TMEM25: variants seen among roughly 807,000 people sequenced by gnomAD.
TMEM25 encodes transmembrane protein 25, also known as 0610039J01Rik.
Under a neutral mutation model 37.0 loss-of-function variants are expected in TMEM25, and 36 were observed. The ratio of observed to expected loss-of-function variants is 0.97; its 90% CI spans 0.75 to 1.28. The LOEUF is 1.28. Ranked by LOEUF, TMEM25 falls within the 50% of genes most tolerant of loss-of-function variation. TMEM25 has a pLI of 0.00. For synonymous variants in TMEM25, 197 were observed against 203.7 expected (o/e 0.97, Z 0.28); for missense variants, 444 against 477.9 (o/e 0.93, Z 0.66).
At chr11:118,546,267 G>T in exon 9 of TMEM25, 1 of 680,774 alleles carries the variant, frequency 1.5e-6, no homozygotes. Context: ...GGAGGTTGAG[G>T]TGGGCAGATC....
In TMEM25 at chr11:118,532,112, G is replaced by A. The variant is rs782165117; in HGVS notation, c.71-38G>A. On this transcript the variant is annotated intron_variant, in intron 2 of 8. Transcript: ENST00000313236. ...CTGGTCACAGCACAGTACCAACCGT[G>A]CCTGAGCCCTTCCCAGAGGCCTCCT... is the stretch of plus-strand genomic sequence containing the variant. 2.0e-6 allele frequency: 3 copies of A among 1,503,256 alleles called. No homozygotes were observed. The African/African-American group carries it at 4.2e-5, about 21-fold the overall frequency. 93.1% of individuals were successfully genotyped at this position (1,503,256 alleles called of 1,614,324 possible).
At position 118,535,397 on chromosome 11, in the gene TMEM25, G is replaced by A; in HGVS notation, c.*817G>A. 7.0e-7 allele frequency: 1 copy of A among 1,431,324 alleles called. No individual in the cohort carries two copies. Among genetic ancestry groups the A allele is most frequent in the Non-Finnish European group, 9.1e-7 (1 of 1,095,474 alleles). The allele number at this position is 1,431,324 out of a possible 1,614,324, so 88.7% of individuals were successfully genotyped here. On this transcript the variant is annotated 3_prime_UTR_variant, in exon 9 of 9. Transcript: ENST00000313236. ...TAGCACTTTAAGCACATCCCCTAGG[G>A]GAGGGGGTGAGTGAGGGGCCCAGAG... is the stretch of plus-strand genomic sequence containing the variant.
chr11:118,537,920 G>A (rs146204185), downstream of TMEM25, among the ~76,000 whole-genome samples: 1,117 of 151,950 alleles, frequency 7.4e-3, 17 homozygotes, highest in African/African-American at 0.025. Flanking sequence ...GCGTGGTGGT[G>A]TGTACCTGTA....
Position 118,532,634 on chromosome 11 carries a change from T to C in TMEM25, c.382+173T>C, listed in dbSNP as rs1366351170. ...GTCATTACTATTGTCGTCACCATTTTACAAATAAGAAAACTGAGGCAGAAA... is the reference window on the plus strand; with the variant it reads ...GTCATTACTATTGTCGTCACCATTTCACAAATAAGAAAACTGAGGCAGAAA... On this transcript the variant is annotated intron_variant, in intron 3 of 8. Coordinates refer to ENST00000313236, the MANE Select transcript of TMEM25 (RefSeq NM_032780.4). 4.6e-6 allele frequency: 4 copies of C among 865,968 alleles called. No individual in the cohort carries two copies. In the Admixed American group the frequency reaches 1.2e-4, roughly 25 times the overall value. 53.6% of individuals were successfully genotyped at this position (865,968 alleles called of 1,614,324 possible).
At chr11:118,533,678 G>A (rs1178507118) in intron 5 of TMEM25, 127 bp downstream of exon 5, 4 of 1,581,046 alleles carry the variant, frequency 2.5e-6, no homozygotes, top group African/African-American at 1.3e-5. Flanking sequence ...GTGGCCATGG[G>A]TACGGTGACA....
At chr11:118,539,248 A>C (rs1384938458), downstream of TMEM25, among the ~76,000 whole-genome samples, 6 of 138,418 alleles carry the variant, frequency 4.3e-5, no homozygotes, top group Non-Finnish European at 9.3e-5. Flanking sequence ...GCTCACTGCA[A>C]CCTCCACTTC....
chr11:118,538,458 C>A (rs1026911027), downstream of TMEM25, among the ~76,000 whole-genome samples: 5 of 152,052 alleles, frequency 3.3e-5, no homozygotes, highest in Non-Finnish European at 5.9e-5. Context: ...TGAGCCACTG[C>A]GCCAGGCTTT....
intron 8 of TMEM25, among the ~76,000 whole-genome samples, chr11:118,542,001 C>T (rs969019437): frequency 3.9e-5 from 6 of 152,246 alleles, no homozygotes; most frequent in South Asian, 2.1e-4. Flanking sequence ...AGCAGTCCTC[C>T]GGCTTCAGCC....
Position 118,544,927 on chromosome 11 carries a change from T to C in TMEM25, c.1028-1192T>C, listed in dbSNP as rs782286079. ...GCTTGGGAAGTGTCTCAGCTGAAGG[T>C]TAATGTCTCCATGTCTCCAGCTTGG... On this transcript the variant is annotated intron_variant, in intron 8 of 8. Coordinates refer to the TMEM25 transcript ENST00000354284. 2.1e-5 allele frequency: 34 copies of C among 1,612,230 alleles called. 1 individual carries two copies. In the East Asian group the frequency reaches 3.3e-4, roughly 16 times the overall value.
In TMEM25 at chr11:118,533,347, C is replaced by G. The variant is rs1342382108; in HGVS notation, c.674-73C>G. The G allele has an allele frequency of 1.9e-6, 3 of 1,598,238 alleles. No homozygotes were observed. In the African/African-American group the frequency reaches 4.0e-5, roughly 21 times the overall value. On this transcript the variant is annotated intron_variant, in intron 4 of 8. Coordinates refer to ENST00000313236, the MANE Select transcript of TMEM25 (RefSeq NM_032780.4). ...CCCCAGCCACCCTGGGCAAGGAGGG[C>G]AGAGTAGTACCTATGGCATGTTGGG...
chr11:118,535,234 C>T lies in TMEM25; in HGVS notation c.*654C>T, dbSNP rs1225554615. Reference sequence around the variant, plus strand: ...TAGGTTACACGTTGGACCTTCTCTACTACTTCACTGGGCACTAGACTTTTC... The same window carrying T: ...TAGGTTACACGTTGGACCTTCTCTATTACTTCACTGGGCACTAGACTTTTC... On this transcript the variant is annotated 3_prime_UTR_variant, in exon 9 of 9. Coordinates refer to ENST00000313236, the MANE Select transcript of TMEM25 (RefSeq NM_032780.4). 3 of 1,145,690 alleles carry T rather than the reference C, an allele frequency of 2.6e-6. No homozygotes were observed. The highest frequency in any genetic ancestry group is 3.2e-6 in the Non-Finnish European group (3 of 932,174). The allele number at this position is 1,145,690 out of a possible 1,614,324, so 71.0% of individuals were successfully genotyped here. A position where few individuals can be genotyped will look rare whatever the true frequency, so the allele number is the denominator to read the frequency against.
At chr11:118,543,489 TTATTA>T (rs1361118303) in intron 8 of TMEM25, among the ~76,000 whole-genome samples, 3 of 152,070 alleles carry the variant, frequency 2.0e-5, no homozygotes, top group African/African-American at 7.2e-5. Flanking sequence ...ATTTATCATA[TTATTA>T]TATATTTTTT....
At position 118,533,147 on chromosome 11, in the gene TMEM25, A is replaced by G. The variant is rs1555060493; in HGVS notation, c.613A>G (p.Asn205Asp). The G allele has an allele frequency of 6.2e-7, 1 of 1,608,858 alleles. No homozygotes were observed. Among genetic ancestry groups the G allele is most frequent in the South Asian group, 1.1e-5 (1 of 90,998 alleles). Residue 205 changes from asparagine to aspartate, a missense_variant, in exon 4 of 9, where the codon AAC (asparagine) becomes GAC (aspartate). Physicochemically the swap from Asn to Asp is conservative, Grantham distance 23. Transcript: ENST00000313236. ...VQLQLRSLAH[N>D]LSVVATNDVG... ...GCTGCAGCTCCGCAGCCTGGCACAC[A>G]ACCTCTCGGTGGTGGCCACCAATGA...
Position 118,534,666 on chromosome 11 carries a change from C to A in TMEM25, c.*86C>A. On this transcript the variant is annotated 3_prime_UTR_variant, in exon 9 of 9. Coordinates refer to ENST00000313236, the MANE Select transcript of TMEM25 (RefSeq NM_032780.4). The surrounding 1 kb of genome is among the most constrained non-coding windows in gnomAD (Gnocchi z 4.6). ...ATCCTCTACCTAGCTAGGTCACCAA[C>A]GTGAAGAAGTTATGCCACTGCCACT... 1 of 1,565,230 alleles carries A rather than the reference C, an allele frequency of 6.4e-7. No individual in the cohort carries two copies. Among genetic ancestry groups the A allele is most frequent in the South Asian group, 1.2e-5 (1 of 85,952 alleles).
intron 8 of TMEM25, among the ~76,000 whole-genome samples, chr11:118,543,344 GT>G (rs1187721510): frequency 2.0e-5 from 3 of 151,044 alleles, no homozygotes; most frequent in Non-Finnish European, 4.4e-5. Flanking sequence ...TATCGATTTT[GT>G]TTTGTTTTGT....
At chr11:118,537,354 C>T (rs992474613), downstream of TMEM25, among the ~76,000 whole-genome samples, 1 of 151,696 alleles carries the variant, frequency 6.6e-6, no homozygotes, top group Non-Finnish European at 1.5e-5. Flanking sequence ...AAAAAAAATT[C>T]GTAGAGACAG....
Position 118,532,362 on chromosome 11 carries a change from A to G in TMEM25, c.283A>G (p.Thr95Ala). 6.2e-7 allele frequency: 1 copy of G among 1,614,090 alleles called. No individual in the cohort carries two copies. Among genetic ancestry groups the G allele is most frequent in the Non-Finnish European group, 8.5e-7 (1 of 1,180,000 alleles). Residue 95 changes from threonine (T) to alanine (A), a missense_variant, in exon 3 of 9, where the codon ACT becomes GCT. Thr to Ala is a moderately conservative substitution (Grantham distance 58). Coordinates refer to ENST00000313236, the MANE Select transcript of TMEM25 (RefSeq NM_032780.4). ...CTTCTCTGGAGGCACCAGCACCTTC[A>G]CTGTCACTGCCCATCGGGCCCAGCA... ...EAFSGGTSTF[T>A]VTAHRAQHEL...
chr11:118,532,730 T>C (rs1951347138), intron 3 of TMEM25, 187 bp from the exon 4 acceptor site: 1 of 872,930 alleles, frequency 1.1e-6, no homozygotes, highest in South Asian at 1.8e-5. Context: ...ATCTGGGCAT[T>C]TGGCTCTAGT....
chr11:118,544,674 T>G, intron 8 of TMEM25: 1 of 436,796 alleles, frequency 2.3e-6, no homozygotes, highest in Non-Finnish European at 4.1e-6. Flanking sequence ...TTCCAATTCT[T>G]ATAACTCAAA....
Sources: allele counts gnomAD v4.1 joint callset (sites outside exome capture counted in the v4.1 genomes callset), GRCh38; gene constraint gnomAD v4.1.1; non-coding constraint Gnocchi (gnomAD v3.1); transcripts MANE v1.5; gene names NCBI Gene and HGNC (gene_info 2026-07-23, HGNC 2026-07-21).